NPHP4: variants seen among roughly 807,000 people sequenced by gnomAD.
The protein encoded by NPHP4 is nephrocystin-4.
A neutral mutation model predicts 155.8 loss-of-function variants in NPHP4; 151 were observed. The ratio of observed to expected loss-of-function variants is 0.97; its 90% CI spans 0.85 to 1.11. NPHP4 has a LOEUF of 1.11. NPHP4 is among the 50% of genes least tolerant of loss of function. The pLI is 0.00. For missense variants in NPHP4, 1,956 were observed against 1,925.7 expected (o/e 1.02, Z -0.29); for synonymous variants, 845 against 816.8 (o/e 1.03, Z -0.59).
intron 10 of NPHP4, 104 bp downstream of exon 10, chr1:5,933,043 G>A: frequency 1.1e-6 from 1 of 940,032 alleles, no homozygotes; most frequent in Non-Finnish European, 1.6e-6. Context: ...AAAAAATTCT[G>A]TAAATGAAAC....
rs768739130 is a variant in NPHP4 at position 5,905,323 on chromosome 1, C to G, written c.1924G>C (p.Glu642Gln). 6.2e-7 allele frequency: 1 copy of G among 1,613,796 alleles called. No homozygotes were observed. ...AAGGCAAGAAACTGTAGCACCATCT[C>G]GTTGCTTTGTAGACAATCTGATTCT... ...KEESDCLQSNEMVLQFLAFSR... is the reference protein window; with the variant it reads ...KEESDCLQSNQMVLQFLAFSR... Residue 642 changes from glutamate to glutamine, a missense_variant, in exon 15 of 30, where the codon GAG becomes CAG. Coordinates refer to ENST00000378156, the MANE Select transcript of NPHP4 (RefSeq NM_015102.5). This position sits in a 1 kb window ranked among gnomAD's most constrained non-coding sequence, Gnocchi z 4.0.
At chr1:5,940,808 C>A (rs1276616212) in intron 9 of NPHP4, among the ~76,000 whole-genome samples, 1 of 152,078 alleles carries the variant, frequency 6.6e-6, no homozygotes, top group Non-Finnish European at 1.5e-5. Context: ...TAGACTTGAA[C>A]AAATGGAAAG....
rs1044229320 is a variant in NPHP4 at position 5,890,243 on chromosome 1, G to A, written c.2304+625C>T. On this transcript the variant is annotated intron_variant, in intron 17 of 29. Coordinates refer to ENST00000378156, the MANE Select transcript of NPHP4 (RefSeq NM_015102.5). This position sits in a 1 kb window ranked among gnomAD's most constrained non-coding sequence, Gnocchi z 4.9. ...AGCTCCGTCCCGTGGCCTGAGAGAA[G>A]TCTCAGGACACCATGGTAGCGTGTG... is the stretch of plus-strand genomic sequence containing the variant. Among the ~76,000 whole-genome samples the A allele has an allele frequency of 7.2e-5, 11 of 152,176 alleles. No individual in the cohort carries two copies. The highest frequency in any genetic ancestry group is 5.9e-5 in the Non-Finnish European group (4 of 68,028).
chr1:5,914,326 T>C lies in NPHP4; in HGVS notation c.1442-5113A>G, dbSNP rs997879736. Among the ~76,000 whole-genome samples, 120 of 128,712 alleles carry C rather than the reference T, an allele frequency of 9.3e-4. 1 individual carries two copies. The highest frequency in any genetic ancestry group is 1.5e-3 in the Non-Finnish European group (96 of 63,424). 84.4% of individuals were successfully genotyped at this position (128,712 alleles called of 152,430 possible). On this transcript the variant is annotated intron_variant, in intron 11 of 29. Coordinates refer to ENST00000378156, the MANE Select transcript of NPHP4 (RefSeq NM_015102.5). ...GCATGCACCTGTGGTCCCAGCTACA[T>C]GGGAGGCAGAAGTGGGAAGATCACT...
At chr1:5,901,313 A>T (rs889810105) in intron 16 of NPHP4, among the ~76,000 whole-genome samples, 16 of 152,250 alleles carry the variant, frequency 1.1e-4, no homozygotes, top group African/African-American at 3.9e-4. Flanking sequence ...CTCAGTCCTG[A>T]ACTGATGCAA....
At position 5,890,999 on chromosome 1, in the gene NPHP4, C is replaced by G; in HGVS notation, c.2173G>C (p.Val725Leu). The change falls in exon 17 of 30, where the codon GTG becomes CTG. Residue 725 changes from valine (V) to leucine (L), a missense_variant. Transcript: ENST00000378156. The surrounding 1 kb of genome is among the most constrained non-coding windows in gnomAD (Gnocchi z 4.9). ...CCTGGCTTCAGGAACCCAGGGCCCA[C>G]CATGTACCTCAGCTGGAAGCCAGGA... ...GSPGFQLRYM[V>L]GPGFLKPGER... The G allele has an allele frequency of 6.4e-7, 1 of 1,565,688 alleles. No homozygotes were observed. The highest frequency in any genetic ancestry group is 1.7e-5 in the Admixed American group (1 of 58,108).
chr1:5,972,666 C>T (rs1652787888), intron 3 of NPHP4, among the ~76,000 whole-genome samples: 1 of 152,220 alleles, frequency 6.6e-6, no homozygotes, highest in Non-Finnish European at 1.5e-5. Flanking sequence ...AGGGGATGCA[C>T]ACTCTTTATC....
chr1:5,940,184 T>C (rs532757772), intron 9 of NPHP4, among the ~76,000 whole-genome samples: 112 of 152,092 alleles, frequency 7.4e-4, no homozygotes, highest in Admixed American at 1.2e-3. Flanking sequence ...TCATGAGAGG[T>C]GGTGAGGCCA....
chr1:5,877,121 T>C lies in NPHP4; in HGVS notation c.2789A>G (p.Asp930Gly). Reference protein sequence around the residue: ...RSVRLQEAGGDLGRRGTSVLA... With the variant: ...RSVRLQEAGGGLGRRGTSVLA... The stretch of plus-strand genomic sequence containing the variant: ...CACGCTCGTCCCGCGCCGGCCCAAG[T>C]CTCCCCCGGCCTCCTGCAGGCGCAC... Residue 930 changes from aspartate (D) to glycine (G), a missense_variant, in exon 20 of 30, where the codon GAC becomes GGC. Transcript: ENST00000378156. 2 of 1,584,602 alleles carry C rather than the reference T, an allele frequency of 1.3e-6. No individual in the cohort carries two copies. The highest frequency in any genetic ancestry group is 1.7e-6 in the Non-Finnish European group (2 of 1,158,042).
Position 5,969,242 on chromosome 1 carries a change from T to C in NPHP4, c.297A>G (p.Thr99=), listed in dbSNP as rs757009082. The C allele has an allele frequency of 3.8e-6, 6 of 1,563,846 alleles. No individual in the cohort carries two copies. Among genetic ancestry groups the C allele is most frequent in the Non-Finnish European group, 5.2e-6 (6 of 1,147,970 alleles). ...IVFNEPLYFH[T]SLNHPHIVAV... ...CCACGATATGAGGGTGGTTTAGGGA[T>C]GTGTGAAAATACAAGGGCTGCAGAA... is the stretch of plus-strand genomic sequence containing the variant. The change falls in exon 4 of 30, where the codon ACA becomes ACG. Residue 99 remains threonine (T), a synonymous_variant. Transcript: ENST00000378156.
rs1053222741 is a variant in NPHP4, at chr1:5,948,165, C to G, written c.897G>C (p.Gln299His). The G allele has an allele frequency of 7.4e-6, 12 of 1,613,330 alleles. No homozygotes were observed. The highest frequency in any genetic ancestry group is 1.0e-5 in the Non-Finnish European group (12 of 1,179,818). The change falls in exon 8 of 30, where the codon CAG (glutamine) becomes CAC (histidine). Residue 299 changes from glutamine (Q) to histidine (H), a missense_variant. Gln to His is a conservative substitution (Grantham distance 24). Coordinates refer to ENST00000378156, the MANE Select transcript of NPHP4 (RefSeq NM_015102.5). The part of the protein sequence containing the change: ...VGVHNGLGFV[Q>H]RPQVVVLVPE... ...GCACCAGTACAACGACCTGCGGCCT[C>G]TGCACGAAGCCCAGACCATTGTGCA... is the stretch of plus-strand genomic sequence containing the variant.
intron 3 of NPHP4, among the ~76,000 whole-genome samples, chr1:5,975,982 A>G (rs1465391624): frequency 6.6e-6 from 1 of 152,144 alleles, no homozygotes; most frequent in African/African-American, 2.4e-5. Context: ...CTAAAGGGAG[A>G]GCTGAAGTCA....
chr1:5,903,880 C>G (rs1009125748), intron 16 of NPHP4, among the ~76,000 whole-genome samples: 1 of 152,170 alleles, frequency 6.6e-6, no homozygotes, highest in South Asian at 2.1e-4. Flanking sequence ...CAAAGAGAAG[C>G]AAGCAGACGC....
rs181253404 is a variant in NPHP4 at position 5,867,447 on chromosome 1, G to C, written c.3472+293C>G. On this transcript the variant is annotated intron_variant, in intron 24 of 29. Coordinates refer to ENST00000378156, the MANE Select transcript of NPHP4 (RefSeq NM_015102.5). This position sits in a 1 kb window ranked among gnomAD's most constrained non-coding sequence, Gnocchi z 4.1. ...GGCACCTACCAGAAACACGCGGGCC[G>C]TCAGGTGAGGAGGTAGGTGTTCCTC... 1 of 550,526 alleles carries C rather than the reference G, an allele frequency of 1.8e-6. No individual in the cohort carries two copies. The highest frequency in any genetic ancestry group is 1.9e-5 in the African/African-American group (1 of 53,224). 34.1% of individuals were successfully genotyped at this position (550,526 alleles called of 1,614,324 possible).
chr1:5,932,000 G>A (rs1219418951), intron 10 of NPHP4, among the ~76,000 whole-genome samples: 2 of 152,084 alleles, frequency 1.3e-5, no homozygotes, highest in African/African-American at 2.4e-5. Flanking sequence ...CTGGAGCATA[G>A]GAGTTCAAGG....
intron 19 of NPHP4, among the ~76,000 whole-genome samples, chr1:5,878,831 A>G (rs916931113): frequency 3.9e-5 from 6 of 152,254 alleles, no homozygotes; most frequent in African/African-American, 1.4e-4. Context: ...CTTCTCTCTA[A>G]GGAGCTGGCT....
At chr1:5,973,850 A>G (rs1289184828) in intron 3 of NPHP4, among the ~76,000 whole-genome samples, 1 of 152,144 alleles carries the variant, frequency 6.6e-6, no homozygotes, top group Non-Finnish European at 1.5e-5. Flanking sequence ...ACAGGCACAC[A>G]GGGCCCGAGT....
intron 5 of NPHP4, among the ~76,000 whole-genome samples, chr1:5,963,426 A>AT (rs1426172943): frequency 2.0e-5 from 3 of 151,884 alleles, no homozygotes; most frequent in African/African-American, 7.2e-5. Flanking sequence ...GAAACACTGT[A>AT]TTTTTTTTAG....
intron 5 of NPHP4, among the ~76,000 whole-genome samples, chr1:5,963,080 C>T (rs916817863): frequency 1.3e-5 from 2 of 151,366 alleles, no homozygotes; most frequent in Non-Finnish European, 1.5e-5. Context: ...AAAGAAAGAG[C>T]TAAATATGAA....
Sources: gnomAD v4.1 joint callset for allele counts (sites outside exome capture counted in the v4.1 genomes callset) on GRCh38, gnomAD v4.1.1 for gene constraint, Gnocchi (gnomAD v3.1) non-coding constraint, MANE v1.5 for transcripts, NCBI Gene and HGNC (gene_info 2026-07-23, HGNC 2026-07-21) for gene names.